ARHGAP20: variants seen among roughly 807,000 people sequenced by gnomAD.
The protein encoded by ARHGAP20 is rho GTPase-activating protein 20.
In ARHGAP20, 34 loss-of-function variants were observed where a neutral mutation model predicts 73.7. The observed-to-expected ratio is 0.46, with a 90% CI of 0.35 to 0.61. The LOEUF (loss-of-function observed/expected upper bound fraction) is 0.61, where lower values mean the gene tolerates loss of function less well. ARHGAP20 is among the 20% of genes least tolerant of loss of function. The pLI is 0.00. For missense variants in ARHGAP20, 1,314 were observed against 1,420.9 expected, an observed-to-expected ratio of 0.92 and a Z score of 1.21; for synonymous variants, 523 against 518.2, an observed-to-expected ratio of 1.01 and a Z score of -0.13.
intron 7 of ARHGAP20, 65 bp from the exon 8 acceptor site, chr11:110,609,115 A>ATTTTTT: frequency 1.5e-6 from 2 of 1,302,688 alleles, no homozygotes; most frequent in Non-Finnish European, 2.1e-6. Context: ...ATGAGGACAC[A>ATTTTTT]TTTTTTTTTT....
intron 4 of ARHGAP20, among the ~76,000 whole-genome samples, chr11:110,620,687 A>T (rs182003559): frequency 0.013 from 1,904 of 152,282 alleles, 28 homozygotes; most frequent in Non-Finnish European, 0.021. Context: ...ATAGTTTTTT[A>T]AAAAAATCTT....
intron 4 of ARHGAP20, among the ~76,000 whole-genome samples, chr11:110,621,405 T>A (rs1024358930): frequency 6.6e-6 from 1 of 152,050 alleles, no homozygotes; most frequent in African/African-American, 2.4e-5. Flanking sequence ...TACTTTTTGA[T>A]ATATTCCCAC....
intron 2 of ARHGAP20, among the ~76,000 whole-genome samples, chr11:110,674,918 A>G (rs767280949): frequency 2.6e-5 from 4 of 152,182 alleles, no homozygotes; most frequent in Admixed American, 6.5e-5. Flanking sequence ...TACATATATC[A>G]TCTCATCTTA....
chr11:110,634,059 T>A (rs976403959), intron 2 of ARHGAP20, among the ~76,000 whole-genome samples: 1 of 152,106 alleles, frequency 6.6e-6, no homozygotes, highest in Non-Finnish European at 1.5e-5. Flanking sequence ...GTGAATGAAG[T>A]AGCAGAAAAA....
In ARHGAP20 at chr11:110,579,516, C is replaced by T. The variant is rs780713216; in HGVS notation, c.3430G>A (p.Glu1144Lys). Residue 1144 changes from glutamate to lysine, a missense_variant, in exon 15 of 15, where the codon GAG (glutamate) becomes AAG (lysine). By Grantham distance (56) the Glu-to-Lys change is moderately conservative. This residue lies in a region of ARHGAP20 where 641 missense variants were observed against 636.9 expected (regional missense o/e 1.01). Transcript: ENST00000683387. ...CCAGAAGAGCTCTGACTACCAGGCT[C>T]TATTTCCTCATGTGACTTCATGCAC... is the stretch of plus-strand genomic sequence containing the variant. ...KLCMKSHEEIEPGSQSSSGSL... is the reference protein window; with the variant it reads ...KLCMKSHEEIKPGSQSSSGSL... The T allele has an allele frequency of 4.3e-6, 7 of 1,614,086 alleles. No homozygotes were observed. In the African/African-American group the frequency reaches 9.3e-5, roughly 22 times the overall value.
intron 4 of ARHGAP20, 76 bp from the exon 5 acceptor site, chr11:110,615,670 C>T: frequency 1.5e-6 from 2 of 1,345,868 alleles, no homozygotes; most frequent in Non-Finnish European, 2.1e-6. Context: ...GATTGTCAAT[C>T]CAGATGAAAA....
intron 8 of ARHGAP20, among the ~76,000 whole-genome samples, chr11:110,607,765 A>G (rs1033671999): frequency 6.6e-6 from 1 of 152,232 alleles, no homozygotes; most frequent in African/African-American, 2.4e-5. Context: ...TGCAGAACAC[A>G]TTAAAATAAT....
rs1443945263 is a variant in ARHGAP20, at chr11:110,579,377, T to G, written c.3569A>C (p.Asp1190Ala). Reference sequence around the variant, plus strand: ...ATCAGATTCTTACTATGCTTAAATGTCTTTGGTTAAATACCTGTCCTCAAT... The same window carrying G: ...ATCAGATTCTTACTATGCTTAAATGGCTTTGGTTAAATACCTGTCCTCAAT... ...CDIEDRYLTK[D>A]I The change falls in exon 15 of 15, where the codon GAC (aspartate) becomes GCC (alanine). Residue 1190 changes from aspartate to alanine, a missense_variant. This residue lies in a region of ARHGAP20 where 641 missense variants were observed against 636.9 expected (regional missense o/e 1.01). Transcript: ENST00000683387. The G allele has an allele frequency of 1.3e-6, 2 of 1,587,418 alleles. No homozygotes were observed. Among genetic ancestry groups the G allele is most frequent in the South Asian group, 2.2e-5 (2 of 89,738 alleles).
At chr11:110,585,201 C>G (rs1253695766) in intron 12 of ARHGAP20, among the ~76,000 whole-genome samples, 2 of 151,770 alleles carry the variant, frequency 1.3e-5, no homozygotes, top group African/African-American at 2.4e-5. Flanking sequence ...TAACATCTTA[C>G]TAATCTTACT....
At chr11:110,685,771 T>C (rs971440218) in intron 2 of ARHGAP20, among the ~76,000 whole-genome samples, 8 of 152,200 alleles carry the variant, frequency 5.3e-5, no homozygotes, top group African/African-American at 1.7e-4. Context: ...AGTAAGGTTC[T>C]ACAGCAATGC....
chr11:110,592,205 T>C (rs778160779), intron 9 of ARHGAP20, 50 bp from the exon 10 acceptor site: 4 of 1,520,422 alleles, frequency 2.6e-6, no homozygotes, highest in Non-Finnish European at 3.6e-6. Context: ...TCACTTAATC[T>C]TATTTCTATA....
chr11:110,694,178 A>G (rs1011059253), intron 1 of ARHGAP20, among the ~76,000 whole-genome samples: 1 of 151,860 alleles, frequency 6.6e-6, no homozygotes, highest in Non-Finnish European at 1.5e-5. Flanking sequence ...ATGAAGTAGT[A>G]CCTATCTATC....
chr11:110,674,330 C>G (rs1949888451), intron 2 of ARHGAP20, among the ~76,000 whole-genome samples: 1 of 152,124 alleles, frequency 6.6e-6, no homozygotes, highest in Non-Finnish European at 1.5e-5. Context: ...GAACCTGGCA[C>G]CTGGTAAGCA....
At position 110,601,835 on chromosome 11, in the gene ARHGAP20, A is replaced by T. The variant is rs558787327; in HGVS notation, c.964+4726T>A. The stretch of plus-strand genomic sequence containing the variant: ...CCCATCTCTACTAAAAATACAAAAA[A>T]TACTAATTTTTGTATTTGGTGGCAG... On this transcript the variant is annotated intron_variant, in intron 9 of 14. Transcript: ENST00000683387. 2.0e-5 allele frequency among the ~76,000 whole-genome samples: 3 copies of T among 152,074 alleles called. No homozygotes were observed. The East Asian group carries it at 5.8e-4, about 29-fold the overall frequency.
chr11:110,701,595 C>T (rs1260328155), intron 1 of ARHGAP20, among the ~76,000 whole-genome samples: 1 of 151,812 alleles, frequency 6.6e-6, no homozygotes, highest in African/African-American at 2.4e-5. Flanking sequence ...AATTAAATCC[C>T]ATTTGTCAAT....
chr11:110,588,486 A>C (rs1338842529), intron 11 of ARHGAP20, among the ~76,000 whole-genome samples: 16 of 152,222 alleles, frequency 1.1e-4, no homozygotes, highest in Non-Finnish European at 5.9e-5. Context: ...ACAAGAAATA[A>C]AACAAAAGCT....
At chr11:110,618,391 T>G (rs1048899905) in intron 4 of ARHGAP20, among the ~76,000 whole-genome samples, 1 of 152,230 alleles carries the variant, frequency 6.6e-6, no homozygotes, top group Non-Finnish European at 1.5e-5. Context: ...AGATTCACAG[T>G]AGGTACTTAA....
chr11:110,647,255 T>G (rs1485977100), intron 2 of ARHGAP20, among the ~76,000 whole-genome samples: 1 of 151,966 alleles, frequency 6.6e-6, no homozygotes, highest in Admixed American at 6.6e-5. Context: ...GATATCGAAA[T>G]GGGGATTTAA....
intron 11 of ARHGAP20, among the ~76,000 whole-genome samples, chr11:110,588,095 T>C (rs1024175928): frequency 6.6e-6 from 1 of 152,136 alleles, no homozygotes; most frequent in African/African-American, 2.4e-5. Context: ...AACCTACACT[T>C]GAAAGATAAT....
Sources: allele counts gnomAD v4.1 joint callset (sites outside exome capture counted in the v4.1 genomes callset), GRCh38; gene constraint gnomAD v4.1.1; regional missense constraint gnomAD v4.1.1; transcripts MANE v1.5; gene names NCBI Gene and HGNC (gene_info 2026-07-23, HGNC 2026-07-21).